TADA1: variants seen among roughly 807,000 people sequenced by gnomAD.
The protein encoded by TADA1 is transcriptional adapter 1.
In TADA1, 23 loss-of-function variants were observed where a neutral mutation model predicts 39.3. The observed-to-expected ratio is 0.58, with a 90% confidence interval of 0.42 to 0.83. TADA1 has a LOEUF of 0.83. Ranked by LOEUF, TADA1 falls within the 40% of genes least tolerant of loss-of-function variation. TADA1 has a pLI of 0.00. For missense variants in TADA1, 352 were observed against 408.1 expected (o/e 0.86, Z 1.18); for synonymous variants, 137 against 151.8 (o/e 0.90, Z 0.72).
At chr1:166,875,479 T>C (rs921256780) in intron 1 of TADA1, among the ~76,000 whole-genome samples, 1 of 152,182 alleles carries the variant, frequency 6.6e-6, no homozygotes, top group African/African-American at 2.4e-5. Flanking sequence ...TTTGAAGAGT[T>C]ACTTGTCCGC....
At chr1:166,872,994 C>T (rs1242285423) in intron 1 of TADA1, among the ~76,000 whole-genome samples, 3 of 152,296 alleles carry the variant, frequency 2.0e-5, no homozygotes, top group Admixed American at 6.5e-5. Context: ...CATGGCCGGA[C>T]GCAGTGACTC....
At chr1:166,865,841 A>C (rs888055690) in intron 3 of TADA1, among the ~76,000 whole-genome samples, 1 of 152,126 alleles carries the variant, frequency 6.6e-6, no homozygotes, top group Non-Finnish European at 1.5e-5. Flanking sequence ...AAAACTCAAA[A>C]AAATTTTTAA....
intron 6 of TADA1, among the ~76,000 whole-genome samples, chr1:166,859,045 A>G (rs1279148331): frequency 1.3e-5 from 2 of 152,234 alleles, no homozygotes; most frequent in Non-Finnish European, 2.9e-5. Context: ...GTTTTTTTCT[A>G]GAGAAGAATG....
At chr1:166,873,128 G>A (rs775720869) in intron 1 of TADA1, among the ~76,000 whole-genome samples, 7 of 152,102 alleles carry the variant, frequency 4.6e-5, no homozygotes, top group Middle Eastern at 3.4e-3. Flanking sequence ...AAAATGAGTC[G>A]GACATGGTGG....
rs1658736439 is a variant in TADA1, at chr1:166,875,236, G to A, written c.74+924C>T. Among the ~76,000 whole-genome samples, 2 of 152,276 alleles carry A rather than the reference G, an allele frequency of 1.3e-5. 1 individual carries two copies. The highest frequency in any genetic ancestry group is 4.1e-4 in the South Asian group (2 of 4,822). On this transcript the variant is annotated intron_variant, in intron 1 of 7. Transcript: ENST00000367874. ...AATAAAGTTGTAATAACAACGTTTT[G>A]AAAATTTCCAAACTCTTCCTTGTAT...
chr1:166,871,859 T>C (rs1041818895), intron 1 of TADA1, among the ~76,000 whole-genome samples: 1 of 152,174 alleles, frequency 6.6e-6, no homozygotes, highest in Non-Finnish European at 1.5e-5. Context: ...AAAAAAATAG[T>C]AACCTGGAGA....
At position 166,874,128 on chromosome 1, in the gene TADA1, G is replaced by A. The variant is rs752352817; in HGVS notation, c.74+2032C>T. 1.1e-3 allele frequency among the ~76,000 whole-genome samples: 173 copies of A among 151,426 alleles called. 1 individual carries two copies. Among genetic ancestry groups the A allele is most frequent in the East Asian group, 1.6e-3 (8 of 5,064 alleles). ...GAGGCCAAGGCGGGTGGCTCACGAG[G>A]TCAGGAGTTCAAGACCAGCCTGGCC... On this transcript the variant is annotated intron_variant, in intron 1 of 7. Transcript: ENST00000367874.
Position 166,860,257 on chromosome 1 carries a change from G to A in TADA1, c.621C>T (p.Ala207=). Reference sequence around the variant, plus strand: ...GCTGCGGGGTCACGTTACTGCCAAAGGCATATTTAAAATGACCATCTCGTA... The same window carrying A: ...GCTGCGGGGTCACGTTACTGCCAAAAGCATATTTAAAATGACCATCTCGTA... ...YRLRDGHFKY[A]FGSNVTPQPY... is the part of the protein sequence containing the mutation. Residue 207 remains alanine (A), a synonymous_variant, in exon 6 of 8, where the codon GCC becomes GCT. Transcript: ENST00000367874. The A allele has an allele frequency of 6.2e-7, 1 of 1,614,078 alleles. No homozygotes were observed. Among genetic ancestry groups the A allele is most frequent in the Non-Finnish European group, 8.5e-7 (1 of 1,180,002 alleles).
chr1:166,862,380 T>C lies in TADA1; in HGVS notation c.363A>G (p.Gly121=). 1 of 1,614,228 alleles carries C rather than the reference T, an allele frequency of 6.2e-7. No individual in the cohort carries two copies. Among genetic ancestry groups the C allele is most frequent in the Non-Finnish European group, 8.5e-7 (1 of 1,180,048 alleles). ...GATCCTTTGCCACAAATTGCTGGGC[T>C]CCTGAGAGAGGATTTTGAGGCTGGA... ...HRFQPQNPLS[G]AQQFVAKDPQ... is the part of the protein sequence containing the mutation. The change falls in exon 5 of 8, where the codon GGA becomes GGG. Residue 121 remains glycine (G), a synonymous_variant. Coordinates refer to ENST00000367874, the MANE Select transcript of TADA1 (RefSeq NM_053053.4).
chr1:166,873,878 T>C (rs12406027), intron 1 of TADA1, among the ~76,000 whole-genome samples: 32 of 152,224 alleles, frequency 2.1e-4, no homozygotes, highest in Admixed American at 2.0e-3. Context: ...GCCCTGAACC[T>C]GTAACTGATG....
At chr1:166,871,440 ATTAGC>A (rs1385938877) in intron 1 of TADA1, among the ~76,000 whole-genome samples, 1 of 152,202 alleles carries the variant, frequency 6.6e-6, no homozygotes, top group African/African-American at 2.4e-5. Flanking sequence ...CTGTGTGTGG[ATTAGC>A]TTCAAGTCAT....
chr1:166,872,213 T>C (rs1249536706), intron 1 of TADA1, among the ~76,000 whole-genome samples: 1 of 151,562 alleles, frequency 6.6e-6, no homozygotes, highest in African/African-American at 2.4e-5. Flanking sequence ...TAATGGGAGG[T>C]GTTTGGGTTA....
At chr1:166,874,170 A>G (rs910753423) in intron 1 of TADA1, among the ~76,000 whole-genome samples, 1 of 151,604 alleles carries the variant, frequency 6.6e-6, no homozygotes, top group African/African-American at 2.4e-5. Flanking sequence ...GTGAAACCCC[A>G]TCTCTACTAA....
rs2101786895 is a variant in TADA1 at position 166,860,407 on chromosome 1, C to G, written c.541-70G>C. The G allele has an allele frequency of 2.1e-6, 3 of 1,453,018 alleles. No homozygotes were observed. The East Asian group carries it at 6.9e-5, about 33-fold the overall frequency. The allele number at this position is 1,453,018 out of a possible 1,614,324, so 90.0% of individuals were successfully genotyped here. A position where few individuals can be genotyped will look rare whatever the true frequency, so the allele number is the denominator to read the frequency against. ...AGCAAATCATAAAACTTCCACTGAC[C>G]AAAAAACATTTATTGGCATTTAGAT... On this transcript the variant is annotated intron_variant, in intron 5 of 7. Coordinates refer to ENST00000367874, the MANE Select transcript of TADA1 (RefSeq NM_053053.4).
chr1:166,875,664 C>T (rs1433673917), intron 1 of TADA1, among the ~76,000 whole-genome samples: 1 of 152,280 alleles, frequency 6.6e-6, no homozygotes, highest in Non-Finnish European at 1.5e-5. Flanking sequence ...GAGGGTCCGT[C>T]TGCCTTACGA....
intron 1 of TADA1, among the ~76,000 whole-genome samples, chr1:166,875,015 T>TAAAG (rs913955117): frequency 6.6e-6 from 1 of 152,062 alleles, no homozygotes; most frequent in African/African-American, 2.4e-5. Context: ...CCAGTAATAA[T>TAAAG]AAAGAACAGA....
chr1:166,863,716 T>C, intron 4 of TADA1, 108 bp downstream of exon 4: 1 of 1,018,462 alleles, frequency 9.8e-7, no homozygotes, highest in Non-Finnish European at 1.5e-6. Context: ...TACTCCTTTT[T>C]TTCAACTCTA....
intron 1 of TADA1, among the ~76,000 whole-genome samples, chr1:166,871,853 A>T (rs1658668107): frequency 2.6e-5 from 4 of 152,244 alleles, no homozygotes; most frequent in Admixed American, 2.6e-4. Context: ...TAAAATAAAA[A>T]AATAGTAACC....
At chr1:166,869,686 T>C (rs1658614792) in intron 2 of TADA1, 77 bp downstream of exon 2, 5 of 1,529,882 alleles carry the variant, frequency 3.3e-6, no homozygotes, top group Admixed American at 3.7e-5. Context: ...TTTTACTTTT[T>C]AAAAAGGGAA....
Sources: gnomAD v4.1 joint callset for allele counts (sites outside exome capture counted in the v4.1 genomes callset) on GRCh38, gnomAD v4.1.1 for gene constraint, MANE v1.5 for transcripts, NCBI Gene and HGNC (gene_info 2026-07-23, HGNC 2026-07-21) for gene names.